The following ERCC1 variants were observed in gnomAD, a reference collection of about 807,000 sequenced individuals.
ERCC1 encodes the protein ERCC excision repair 1, endonuclease non-catalytic subunit.
Under a neutral mutation model 37.6 loss-of-function variants are expected in ERCC1, and 36 were observed. The ratio of observed to expected loss-of-function variants is 0.96; its 90% CI spans 0.73 to 1.26. The LOEUF (loss-of-function observed/expected upper bound fraction) is 1.26. ERCC1 is among the 50% of genes most tolerant of loss of function. The pLI, the probability that ERCC1 is intolerant of heterozygous loss-of-function variation, is 0.00. For missense variants in ERCC1, 349 were observed against 376.5 expected (o/e 0.93, Z 0.60); for synonymous variants, 156 against 162.1 (o/e 0.96, Z 0.28).
intron 1 of ERCC1, among the ~76,000 whole-genome samples, chr19:45,446,100 A>T (rs4802258): frequency 6.6e-6 from 1 of 151,712 alleles, no homozygotes; most frequent in South Asian, 2.1e-4. Context: ...ACTCAACCCA[A>T]TGTTGGCCAG....
rs181465700 is a variant in ERCC1, at chr19:45,416,183, A to C, written c.602+638T>G. ...AGGATGGTATGACTTTGAAGATCAG[A>C]GAATACTCTGGAATGCTCTGTAAGT... On this transcript the variant is annotated intron_variant, in intron 6 of 9. Coordinates refer to ENST00000300853, the MANE Select transcript of ERCC1 (RefSeq NM_001983.4). Among the ~76,000 whole-genome samples the C allele has an allele frequency of 7.9e-5, 12 of 152,332 alleles. No homozygotes were observed. In the East Asian group the frequency reaches 2.3e-3, roughly 29 times the overall value.
intron 1 of ERCC1, among the ~76,000 whole-genome samples, chr19:45,436,863 G>A (rs1974992995): frequency 6.6e-6 from 1 of 152,130 alleles, no homozygotes; most frequent in Non-Finnish European, 1.5e-5. Context: ...AAGCTGAGGT[G>A]GGAGGACCCC....
intron 1 of ERCC1, 65 bp from the exon 2 acceptor site, chr19:45,423,446 A>ACC: frequency 1.3e-6 from 2 of 1,535,734 alleles, no homozygotes; most frequent in African/African-American, 1.4e-5. Flanking sequence ...CGCAGCAGGA[A>ACC]CCCCCCACTC....
intron 2 of ERCC1, 38 bp downstream of exon 2, chr19:45,423,232 C>T (rs1372448910): frequency 1.3e-6 from 2 of 1,585,382 alleles, no homozygotes; most frequent in East Asian, 2.3e-5. Context: ...TCCTAACAGC[C>T]CCCAGCCTCC....
intron 1 of ERCC1, among the ~76,000 whole-genome samples, chr19:45,436,462 T>C (rs552970696): frequency 2.1e-4 from 32 of 151,984 alleles, no homozygotes; most frequent in Admixed American, 1.6e-3. Context: ...CTGTCTCTAC[T>C]AAAAATACAA....
intron 9 of ERCC1, among the ~76,000 whole-genome samples, chr19:45,412,590 TTA>T (rs1310717203): frequency 6.6e-6 from 1 of 152,242 alleles, no homozygotes; most frequent in African/African-American, 2.4e-5. Flanking sequence ...GATTGGATTA[TTA>T]TATTTTATCC....
At chr19:45,417,054 G>A (rs1974110995) in intron 5 of ERCC1, among the ~76,000 whole-genome samples, 157 bp from the exon 6 acceptor site, 1 of 151,876 alleles carries the variant, frequency 6.6e-6, no homozygotes, top group East Asian at 1.9e-4. Context: ...CCAAGATCGC[G>A]CCACTGCACT....
At chr19:45,416,335 G>C (rs116537110) in intron 6 of ERCC1, among the ~76,000 whole-genome samples, 19 of 152,252 alleles carry the variant, frequency 1.2e-4, no homozygotes, top group African/African-American at 4.3e-4. Flanking sequence ...TCCCGCTGCA[G>C]CAAGAAGCCA....
chr19:45,430,691 G>A (rs1367073189), intron 1 of ERCC1, among the ~76,000 whole-genome samples: 2 of 152,010 alleles, frequency 1.3e-5, no homozygotes, highest in South Asian at 4.1e-4. Context: ...GGCATCAGGC[G>A]GATCACGTGA....
chr19:45,438,804 G>A (rs1055831547), intron 1 of ERCC1, among the ~76,000 whole-genome samples: 2 of 151,816 alleles, frequency 1.3e-5, no homozygotes, highest in African/African-American at 2.4e-5. Context: ...ACCACGCCCG[G>A]CTAATTTTGT....
chr19:45,425,223 G>A (rs193136406), upstream of ERCC1, among the ~76,000 whole-genome samples: 231 of 149,378 alleles, frequency 1.5e-3, 2 homozygotes, highest in African/African-American at 5.2e-3. Context: ...TACAGTGCAC[G>A]GCTATAATGA....
chr19:45,439,693 C>A (rs957728774), intron 1 of ERCC1, among the ~76,000 whole-genome samples: 2 of 152,110 alleles, frequency 1.3e-5, no homozygotes, highest in South Asian at 4.1e-4. Flanking sequence ...CGCGTCCCGA[C>A]GCCCCTGGAA....
intron 2 of ERCC1, among the ~76,000 whole-genome samples, chr19:45,422,299 C>T (rs1008656501): frequency 6.6e-6 from 1 of 152,136 alleles, no homozygotes; most frequent in Admixed American, 6.6e-5. Flanking sequence ...GCTTTCTCTA[C>T]TCCAGCCCCA....
rs542570048 is a variant in ERCC1 at position 45,408,002 on chromosome 19, C to T, written c.*1673G>A. The T allele has an allele frequency of 1.3e-5, 16 of 1,225,112 alleles. No individual in the cohort carries two copies. In the Admixed American group the frequency reaches 1.4e-4, roughly 11 times the overall value. The allele number at this position is 1,225,112 out of a possible 1,614,324, so 75.9% of individuals were successfully genotyped here. Reference sequence around the variant, plus strand: ...CCAGGAGGTGGACATTGCAGTGAGCCGAGATCATGCCACTGCACTCCAGCC... The same window carrying T: ...CCAGGAGGTGGACATTGCAGTGAGCTGAGATCATGCCACTGCACTCCAGCC... On this transcript the variant is annotated 3_prime_UTR_variant, in exon 10 of 10. Coordinates refer to ENST00000300853, the MANE Select transcript of ERCC1 (RefSeq NM_001983.4).
intron 5 of ERCC1, among the ~76,000 whole-genome samples, chr19:45,417,635 C>A (rs28510947): frequency 0.014 from 2,142 of 152,170 alleles, 44 homozygotes; most frequent in African/African-American, 0.048. Flanking sequence ...TCACACAGGG[C>A]CCCATAGGTC....
chr19:45,432,865 G>A (rs1374109223), intron 1 of ERCC1, among the ~76,000 whole-genome samples: 2 of 152,032 alleles, frequency 1.3e-5, no homozygotes, highest in Non-Finnish European at 2.9e-5. Context: ...TTGGGAGTTC[G>A]AGACCAGCCT....
chr19:45,439,546 T>C (rs1975063863), intron 1 of ERCC1, among the ~76,000 whole-genome samples: 1 of 152,124 alleles, frequency 6.6e-6, no homozygotes, highest in Non-Finnish European at 1.5e-5. Flanking sequence ...GAAATAATCA[T>C]AATCATAATA....
chr19:45,413,526 T>C, intron 9 of ERCC1, 151 bp downstream of exon 9: 2 of 1,579,564 alleles, frequency 1.3e-6, no homozygotes, highest in African/African-American at 1.3e-5. Context: ...TCCTCCCGCC[T>C]TGGCCTCCCA....
intron 1 of ERCC1, among the ~76,000 whole-genome samples, chr19:45,441,826 G>T (rs1369757415): frequency 6.6e-6 from 1 of 151,516 alleles, no homozygotes; most frequent in East Asian, 2.0e-4. Flanking sequence ...TACAGGCCAG[G>T]CGCATGCCAC....
Sources: allele counts gnomAD v4.1 joint callset (sites outside exome capture counted in the v4.1 genomes callset), GRCh38; gene constraint gnomAD v4.1.1; transcripts MANE v1.5; gene names NCBI Gene and HGNC (gene_info 2026-07-23, HGNC 2026-07-21).